The following MAP3K4 variants were observed in gnomAD, a reference collection of about 807,000 sequenced individuals.
MAP3K4 encodes MAP three kinase 1.
Under a neutral mutation model 185.6 loss-of-function variants are expected in MAP3K4, and 67 were observed. The ratio of observed to expected loss-of-function variants is 0.36; its 90% confidence interval spans 0.30 to 0.44. The LOEUF is 0.44. MAP3K4 is among the 20% of genes least tolerant of loss of function. MAP3K4 has a pLI of 1.00. For missense variants in MAP3K4, 1,551 were observed against 1,995.1 expected (o/e 0.78, Z 4.24); for synonymous variants, 702 against 710.4 (o/e 0.99, Z 0.19).
At position 161,049,401 on chromosome 6, in the gene MAP3K4, G is replaced by A; in HGVS notation, c.1129G>A (p.Asp377Asn). 6.2e-7 allele frequency: 1 copy of A among 1,614,108 alleles called. No homozygotes were observed. The highest frequency in any genetic ancestry group is 8.5e-7 in the Non-Finnish European group (1 of 1,180,002). Reference sequence around the variant, plus strand: ...TCCATCATTGCAGGCTCTTCAGAAGGACTATGAAAAATATGCTGCAAAAGA... The same window carrying A: ...TCCATCATTGCAGGCTCTTCAGAAGAACTATGAAAAATATGCTGCAAAAGA... Reference protein sequence around the residue: ...LYPSLQALQKDYEKYAAKDFQ... With the variant: ...LYPSLQALQKNYEKYAAKDFQ... The change falls in exon 3 of 27, where the codon GAC (aspartate) becomes AAC (asparagine). Residue 377 changes from aspartate to asparagine, a missense_variant. Coordinates refer to ENST00000392142, the MANE Select transcript of MAP3K4 (RefSeq NM_005922.4). This position sits in a 1 kb window ranked among gnomAD's most constrained non-coding sequence, Gnocchi z 8.4.
intron 11 of MAP3K4, among the ~76,000 whole-genome samples, chr6:161,089,906 A>G (rs893024624): frequency 6.6e-6 from 1 of 152,208 alleles, no homozygotes; most frequent in Non-Finnish European, 1.5e-5. Flanking sequence ...ATAATAGAAA[A>G]AAGTTGCAGA....
chr6:161,057,043 A>G (rs1377534967), intron 3 of MAP3K4, among the ~76,000 whole-genome samples: 1 of 152,242 alleles, frequency 6.6e-6, no homozygotes, highest in South Asian at 2.1e-4. Context: ...TACAAAATGT[A>G]TAATTGTCTG....
intron 1 of MAP3K4, among the ~76,000 whole-genome samples, chr6:161,021,918 A>C (rs1290640508): frequency 6.6e-6 from 1 of 151,884 alleles, no homozygotes; most frequent in East Asian, 1.9e-4. Flanking sequence ...TATTAGAATA[A>C]AGACCCAAGA....
intron 3 of MAP3K4, among the ~76,000 whole-genome samples, chr6:161,069,666 T>C (rs1301921710): frequency 5.3e-5 from 8 of 152,274 alleles, no homozygotes; most frequent in Non-Finnish European, 7.3e-5. Context: ...GTGCCAGGCG[T>C]GGGGACGGTC....
chr6:161,099,566 A>G (rs1777735834), intron 17 of MAP3K4, among the ~76,000 whole-genome samples: 1 of 152,186 alleles, frequency 6.6e-6, no homozygotes, highest in Admixed American at 6.5e-5. Flanking sequence ...ATATGCTTTT[A>G]TATCCCTGTG....
At chr6:161,020,909 A>G (rs1583120504) in intron 1 of MAP3K4, among the ~76,000 whole-genome samples, 1 of 152,190 alleles carries the variant, frequency 6.6e-6, no homozygotes. Context: ...TAAGCCCCAC[A>G]TTTCCAGTAA....
At chr6:161,036,348 A>G (rs1044962526) in intron 2 of MAP3K4, among the ~76,000 whole-genome samples, 3 of 152,194 alleles carry the variant, frequency 2.0e-5, no homozygotes, top group Admixed American at 2.0e-4. Context: ...AAAATCCTTA[A>G]TAAGTTATTA....
At chr6:160,997,979 A>G (rs1479880292) in intron 1 of MAP3K4, among the ~76,000 whole-genome samples, 1 of 152,188 alleles carries the variant, frequency 6.6e-6, no homozygotes, top group Non-Finnish European at 1.5e-5. Context: ...GTTAATCCCC[A>G]GAGAAAAGCA....
Position 161,067,324 on chromosome 6 carries a change from T to G in MAP3K4, c.1708-3284T>G. ...AGGTAAGAGACAAAACGTTACATTT[T>G]TTTGAATTTCTGATTAGCTTCCTTA... On this transcript the variant is annotated intron_variant, in intron 3 of 26. Transcript: ENST00000392142. The surrounding 1 kb of genome is among the most constrained non-coding windows in gnomAD (Gnocchi z 6.3). 1 of 395,004 alleles carries G rather than the reference T, an allele frequency of 2.5e-6. No individual in the cohort carries two copies. The highest frequency in any genetic ancestry group is 5.1e-6 in the Non-Finnish European group (1 of 197,236). 24.5% of individuals were successfully genotyped at this position (395,004 alleles called of 1,614,324 possible). A position where few individuals can be genotyped will look rare whatever the true frequency, so the allele number is the denominator to read the frequency against.
At chr6:161,009,749 T>C (rs1263251341) in intron 1 of MAP3K4, among the ~76,000 whole-genome samples, 1 of 152,180 alleles carries the variant, frequency 6.6e-6, no homozygotes, top group Non-Finnish European at 1.5e-5. Context: ...AATATATGAG[T>C]TTATTCTTGA....
intron 1 of MAP3K4, among the ~76,000 whole-genome samples, chr6:161,020,239 G>T (rs763384191): frequency 1.3e-5 from 2 of 152,022 alleles, no homozygotes; most frequent in Non-Finnish European, 1.5e-5. Context: ...CTGCATTTGA[G>T]AACCTAATGA....
In MAP3K4 at chr6:161,048,711, C is replaced by A. The variant is rs768206945; in HGVS notation, c.439C>A (p.Arg147=). Residue 147 remains arginine, a synonymous_variant, in exon 3 of 27, where the codon CGA becomes AGA. Coordinates refer to ENST00000392142, the MANE Select transcript of MAP3K4 (RefSeq NM_005922.4). The surrounding 1 kb of genome is among the most constrained non-coding windows in gnomAD (Gnocchi z 4.7). ...CAGCTATAAGCAGGAGAAAAAGATC[C>A]GAGCAGCTCTTAGAACAACAGAGCG... is the stretch of plus-strand genomic sequence containing the variant. ...EYSYKQEKKI[R]AALRTTERDR... 2.5e-6 allele frequency: 4 copies of A among 1,613,590 alleles called. No homozygotes were observed. Among genetic ancestry groups the A allele is most frequent in the Non-Finnish European group, 3.4e-6 (4 of 1,179,900 alleles).
rs1357577053 is a variant in MAP3K4, at chr6:160,991,792, G to C, written c.-140G>C. 44 of 993,896 alleles carry C rather than the reference G, an allele frequency of 4.4e-5. No individual in the cohort carries two copies. Among genetic ancestry groups the C allele is most frequent in the Non-Finnish European group, 5.8e-5 (43 of 741,234 alleles). The allele number at this position is 993,896 out of a possible 1,614,324, so 61.6% of individuals were successfully genotyped here. ...GCGCTCGGCCGGTCGCCGTTTCCAA[G>C]ATGGCCGCGGCGCGCACGGCTCCTG... On this transcript the variant is annotated 5_prime_UTR_variant, in exon 1 of 27. Transcript: ENST00000392142. The surrounding 1 kb of genome is among the most constrained non-coding windows in gnomAD (Gnocchi z 5.7).
At chr6:161,060,727 C>G (rs1370267733) in intron 3 of MAP3K4, among the ~76,000 whole-genome samples, 1 of 148,092 alleles carries the variant, frequency 6.8e-6, no homozygotes, top group Non-Finnish European at 1.5e-5. Flanking sequence ...TCAAGTGGTT[C>G]TCGTGCCTCA....
At position 161,075,986 on chromosome 6, in the gene MAP3K4, G is replaced by A. The variant is rs1785157020; in HGVS notation, c.2097+2374G>A. On this transcript the variant is annotated intron_variant, in intron 5 of 26. Coordinates refer to ENST00000392142, the MANE Select transcript of MAP3K4 (RefSeq NM_005922.4). This position sits in a 1 kb window ranked among gnomAD's most constrained non-coding sequence, Gnocchi z 4.3. ...GCAATTGAATTGGCAGTCAAATTAT[G>A]TTTAACACCCTTGTCTGGAAACCCA... 6.6e-6 allele frequency among the ~76,000 whole-genome samples: 1 copy of A among 152,156 alleles called. No individual in the cohort carries two copies.
In MAP3K4 at chr6:161,086,227, A is replaced by C. The variant is rs1490132324; in HGVS notation, c.2373-152A>C. ...GCAGGCTTCTGAATGTTTTGACTAC[A>C]TCTTCAATAATAGTTTGTTCCCATT... On this transcript the variant is annotated intron_variant, in intron 7 of 26. Transcript: ENST00000392142. The surrounding 1 kb of genome is among the most constrained non-coding windows in gnomAD (Gnocchi z 4.8). 1 of 493,870 alleles carries C rather than the reference A, an allele frequency of 2.0e-6. No individual in the cohort carries two copies. The highest frequency in any genetic ancestry group is 1.9e-5 in the African/African-American group (1 of 51,666). The allele number at this position is 493,870 out of a possible 1,614,324, so 30.6% of individuals were successfully genotyped here. A position where few individuals can be genotyped will look rare whatever the true frequency, so the allele number is the denominator to read the frequency against.
At chr6:161,105,574 A>G (rs1306995958) in intron 19 of MAP3K4, among the ~76,000 whole-genome samples, 1 of 152,162 alleles carries the variant, frequency 6.6e-6, no homozygotes, top group East Asian at 1.9e-4. Context: ...ATGGCTTCCT[A>G]GAAGAGGCGT....
chr6:161,002,016 C>T (rs114344778), intron 1 of MAP3K4, among the ~76,000 whole-genome samples: 2,414 of 150,802 alleles, frequency 0.016, 65 homozygotes, highest in African/African-American at 0.057. Context: ...ATTTCCCCCC[C>T]AACGTCTGCA....
At position 161,091,325 on chromosome 6, in the gene MAP3K4, T is replaced by A; in HGVS notation, c.2974-54T>A. On this transcript the variant is annotated intron_variant, in intron 11 of 26. Transcript: ENST00000392142. This position sits in a 1 kb window ranked among gnomAD's most constrained non-coding sequence, Gnocchi z 5.5. ...AACGAAATCTTCCTTTAAAATGTGG[T>A]AAGTATTGTATGATTTGCTTCATTT... 1 of 1,440,328 alleles carries A rather than the reference T, an allele frequency of 6.9e-7. No individual in the cohort carries two copies. Among genetic ancestry groups the A allele is most frequent in the Non-Finnish European group, 9.5e-7 (1 of 1,056,088 alleles). 89.2% of individuals were successfully genotyped at this position (1,440,328 alleles called of 1,614,324 possible). A position where few individuals can be genotyped will look rare whatever the true frequency, so the allele number is the denominator to read the frequency against.
Sources: gnomAD v4.1 joint callset for allele counts (sites outside exome capture counted in the v4.1 genomes callset) on GRCh38, gnomAD v4.1.1 for gene constraint, Gnocchi (gnomAD v3.1) non-coding constraint, MANE v1.5 for transcripts, NCBI Gene and HGNC (gene_info 2026-07-23, HGNC 2026-07-21) for gene names.